CCNI: variants seen among roughly 807,000 people sequenced by gnomAD.
CCNI encodes cyclin I, also known as cyclin-I.
CCNI carries 14 observed loss-of-function variants against 34.1 expected under a neutral mutation model. That is an observed-to-expected ratio of 0.41 (90% CI 0.27 to 0.64). CCNI has a LOEUF of 0.64. Among genes scored for constraint, CCNI ranks in the 30% least tolerant of loss-of-function variants. The probability of loss-of-function intolerance (pLI) is 0.31; values close to 1 mark genes in which losing one functional copy is unlikely to be tolerated. For synonymous variants in CCNI, 154 were observed against 158.4 expected, an observed-to-expected ratio of 0.97 and a Z score of 0.21; for missense variants, 385 against 440.5, an observed-to-expected ratio of 0.87 and a Z score of 1.13.
chr4:77,063,526 A>G (rs1728777546), intron 2 of CCNI, among the ~76,000 whole-genome samples: 1 of 151,656 alleles, frequency 6.6e-6, no homozygotes, highest in Non-Finnish European at 1.5e-5. Flanking sequence ...CGTCTCTACT[A>G]AAAAATACAA....
At chr4:77,054,796 T>A (rs1728092554) in intron 6 of CCNI, among the ~76,000 whole-genome samples, 1 of 152,140 alleles carries the variant, frequency 6.6e-6, no homozygotes, top group Non-Finnish European at 1.5e-5. Context: ...GTTCCTGACA[T>A]CCGTTATAAA....
At chr4:77,061,901 C>T (rs1314793076) in intron 2 of CCNI, among the ~76,000 whole-genome samples, 4 of 152,056 alleles carry the variant, frequency 2.6e-5, no homozygotes, top group Non-Finnish European at 1.5e-5. Flanking sequence ...GATCTCCTGA[C>T]CTTGTGATCC....
At position 77,065,265 on chromosome 4, in the gene CCNI, C is replaced by T. The variant is rs369733490; in HGVS notation, c.114+984G>A. 2.3e-4 allele frequency among the ~76,000 whole-genome samples: 35 copies of T among 152,310 alleles called. No homozygotes were observed. In the South Asian group the frequency reaches 6.6e-3, roughly 29 times the overall value. On this transcript the variant is annotated intron_variant, in intron 2 of 6. Coordinates refer to ENST00000237654, the MANE Select transcript of CCNI (RefSeq NM_006835.3). ...CCTAAAACAACACACGAGGAACTTACATATTTGCCATTCATTCACTCATGC... is the reference window on the plus strand; with the variant it reads ...CCTAAAACAACACACGAGGAACTTATATATTTGCCATTCATTCACTCATGC...
intron 2 of CCNI, 55 bp from the exon 3 acceptor site, chr4:77,058,690 T>C: frequency 6.6e-7 from 1 of 1,505,264 alleles, no homozygotes; most frequent in Admixed American, 1.8e-5. Context: ...TCATCAAGAG[T>C]ATGTTTAGAA....
intron 2 of CCNI, among the ~76,000 whole-genome samples, chr4:77,060,223 G>A (rs1728509858): frequency 6.6e-6 from 1 of 152,032 alleles, no homozygotes; most frequent in South Asian, 2.1e-4. Context: ...CAAAAAAAGA[G>A]AATACAGTTA....
intron 2 of CCNI, 34 bp from the exon 3 acceptor site, chr4:77,058,669 A>G: frequency 6.3e-7 from 1 of 1,594,222 alleles, no homozygotes. Context: ...CAGAAGACAA[A>G]GTTTGAGCTA....
intron 1 of CCNI, among the ~76,000 whole-genome samples, chr4:77,071,260 G>GT (rs1415296309): frequency 7.2e-5 from 11 of 152,112 alleles, no homozygotes; most frequent in African/African-American, 2.7e-4. Flanking sequence ...TAAAACAAAG[G>GT]TATCTGGTCA....
chr4:77,069,695 G>T (rs4252809), intron 1 of CCNI, among the ~76,000 whole-genome samples: 2 of 147,282 alleles, frequency 1.4e-5, no homozygotes, highest in African/African-American at 5.0e-5. Context: ...GTACTTCGAC[G>T]GAACAGAGAC....
rs1727560586 is a variant in CCNI at position 77,048,159 on chromosome 4, A to G, written c.*60T>C. Reference sequence around the variant, plus strand: ...CTTCTACAGCCTTTCCTGATTTTGCATGTTCTCATTCCCAAAGTAGTCTAC... The same window carrying G: ...CTTCTACAGCCTTTCCTGATTTTGCGTGTTCTCATTCCCAAAGTAGTCTAC... On this transcript the variant is annotated 3_prime_UTR_variant, in exon 7 of 7. Coordinates refer to ENST00000237654, the MANE Select transcript of CCNI (RefSeq NM_006835.3). The G allele has an allele frequency of 1.5e-6, 2 of 1,312,964 alleles. No homozygotes were observed. The highest frequency in any genetic ancestry group is 2.1e-6 in the Non-Finnish European group (2 of 936,724). 81.3% of individuals were successfully genotyped at this position (1,312,964 alleles called of 1,614,324 possible). A position where few individuals can be genotyped will look rare whatever the true frequency, so the allele number is the denominator to read the frequency against.
At chr4:77,066,053 A>G (rs1729013015) in intron 2 of CCNI, 196 bp downstream of exon 2, 1 of 510,670 alleles carries the variant, frequency 2.0e-6, no homozygotes, top group African/African-American at 2.0e-5. Flanking sequence ...GTGAGCTGAG[A>G]TCATGCCACA....
In CCNI at chr4:77,071,669, C is replaced by T. The variant is rs544008155; in HGVS notation, c.-44+3803G>A. Among the ~76,000 whole-genome samples the T allele has an allele frequency of 4.6e-5, 7 of 152,232 alleles. No homozygotes were observed. The South Asian group carries it at 1.2e-3, about 27-fold the overall frequency. ...TAAAATCAAGACTAAAAAGAAGACA[C>T]TACCTACCTTACAGAAATAAAAAGA... On this transcript the variant is annotated intron_variant, in intron 1 of 6. Coordinates refer to ENST00000237654, the MANE Select transcript of CCNI (RefSeq NM_006835.3).
chr4:77,048,158 C>G lies in CCNI; in HGVS notation c.*61G>C. ...CCTTCTACAGCCTTTCCTGATTTTG[C>G]ATGTTCTCATTCCCAAAGTAGTCTA... On this transcript the variant is annotated 3_prime_UTR_variant, in exon 7 of 7. Coordinates refer to ENST00000237654, the MANE Select transcript of CCNI (RefSeq NM_006835.3). 2 of 1,304,410 alleles carry G rather than the reference C, an allele frequency of 1.5e-6. No homozygotes were observed. Among genetic ancestry groups the G allele is most frequent in the South Asian group, 2.6e-5 (2 of 75,732 alleles). The allele number at this position is 1,304,410 out of a possible 1,614,324, so 80.8% of individuals were successfully genotyped here.
chr4:77,055,012 A>C, intron 6 of CCNI, 138 bp downstream of exon 6: 1 of 585,930 alleles, frequency 1.7e-6, no homozygotes, highest in Non-Finnish European at 3.0e-6. Context: ...TAAATTTAAA[A>C]TATATACTTT....
chr4:77,059,963 G>T (rs1452796256), intron 2 of CCNI, among the ~76,000 whole-genome samples: 1 of 152,156 alleles, frequency 6.6e-6, no homozygotes, highest in Non-Finnish European at 1.5e-5. Context: ...TCCCAGGAGA[G>T]GTAGGTGATG....
In CCNI at chr4:77,047,431, T is replaced by G. The variant is rs761434514; in HGVS notation, c.*788A>C. ...CTACTGATTATAAATGAGTGAAAAC[T>G]ATCAGTTAGAAAAATCTAATTTAAG... On this transcript the variant is annotated 3_prime_UTR_variant, in exon 7 of 7. Transcript: ENST00000237654. 8.5e-5 allele frequency: 13 copies of G among 152,186 alleles called. No homozygotes were observed. The highest frequency in any genetic ancestry group is 1.8e-4 in the Non-Finnish European group (12 of 68,034). 9.4% of individuals were successfully genotyped at this position (152,186 alleles called of 1,614,324 possible).
At chr4:77,068,365 A>T (rs1729204610) in intron 1 of CCNI, among the ~76,000 whole-genome samples, 1 of 152,232 alleles carries the variant, frequency 6.6e-6, no homozygotes, top group Non-Finnish European at 1.5e-5. Context: ...CTACATTGGC[A>T]GGATGTGGAG....
intron 6 of CCNI, among the ~76,000 whole-genome samples, chr4:77,049,395 T>C (rs1443575992): frequency 1.3e-5 from 2 of 152,128 alleles, no homozygotes; most frequent in African/African-American, 4.8e-5. Flanking sequence ...AACATATTTA[T>C]GGCCAGGCGT....
At chr4:77,066,528 C>A in intron 1 of CCNI, 123 bp from the exon 2 acceptor site, 1 of 628,878 alleles carries the variant, frequency 1.6e-6, no homozygotes. Context: ...TTTTATAGCT[C>A]TTTAAAATAT....
intron 6 of CCNI, among the ~76,000 whole-genome samples, chr4:77,052,776 A>G (rs1366654108): frequency 6.6e-6 from 1 of 152,220 alleles, no homozygotes; most frequent in African/African-American, 2.4e-5. Context: ...ACACAAAGAT[A>G]TTAGACCTGG....
Sources: gnomAD v4.1 joint callset for allele counts (sites outside exome capture counted in the v4.1 genomes callset) on GRCh38, gnomAD v4.1.1 for gene constraint, MANE v1.5 for transcripts, NCBI Gene and HGNC (gene_info 2026-07-23, HGNC 2026-07-21) for gene names.